The following MPP7 variants were observed in gnomAD, a reference collection of about 807,000 sequenced individuals.
MPP7 encodes the protein MAGUK p55 scaffold protein 7.
MPP7 carries 60 observed loss-of-function variants against 76.5 expected under a neutral mutation model. That is an observed-to-expected ratio of 0.78 (90% CI 0.64 to 0.97). The LOEUF (loss-of-function observed/expected upper bound fraction) is 0.97, where lower values mean the gene tolerates loss of function less well. MPP7 is among the 50% of genes least tolerant of loss of function. The pLI, the probability that MPP7 is intolerant of heterozygous loss-of-function variation, is 0.00. For missense variants in MPP7, 641 were observed against 694.0 expected, an observed-to-expected ratio of 0.92 and a Z score of 0.86; for synonymous variants, 237 against 244.5, an observed-to-expected ratio of 0.97 and a Z score of 0.29.
Position 28,202,188 on chromosome 10 carries a change from T to C in MPP7, c.121A>G (p.Met41Val). The C allele has an allele frequency of 6.2e-7, 1 of 1,613,702 alleles. No individual in the cohort carries two copies. ...SQEDLTFLWDMFGEKSLHSLV... is the reference protein window; with the variant it reads ...SQEDLTFLWDVFGEKSLHSLV... Reference sequence around the variant, plus strand: ...GAATGCAGGCTTTTTTCACCAAACATATCCCAGAGGAAGGTCAGGTCTTCC... The same window carrying C: ...GAATGCAGGCTTTTTTCACCAAACACATCCCAGAGGAAGGTCAGGTCTTCC... The change falls in exon 3 of 17, where the codon ATG (methionine) becomes GTG (valine). Residue 41 changes from methionine to valine, a missense_variant. Physicochemically the swap from Met to Val is conservative, Grantham distance 21 (BLOSUM62 1). Coordinates refer to ENST00000683449, the MANE Select transcript of MPP7 (RefSeq NM_001318170.2).
chr10:28,203,760 T>G (rs1216935667), intron 2 of MPP7, among the ~76,000 whole-genome samples: 1 of 152,168 alleles, frequency 6.6e-6, no homozygotes, highest in Non-Finnish European at 1.5e-5. Flanking sequence ...AGGGTGAAAT[T>G]TCATTATTTT....
intron 1 of MPP7, among the ~76,000 whole-genome samples, chr10:28,333,310 T>C (rs1834487275): frequency 6.6e-6 from 1 of 152,300 alleles, no homozygotes; most frequent in Non-Finnish European, 1.5e-5. Context: ...CACACCCAGC[T>C]AATTTTTGTA....
intron 6 of MPP7, among the ~76,000 whole-genome samples, chr10:28,126,222 T>C (rs1210325974): frequency 6.6e-6 from 1 of 152,218 alleles, no homozygotes; most frequent in Non-Finnish European, 1.5e-5. Flanking sequence ...GGCCAGAGAC[T>C]TGAATGAGCA....
intron 13 of MPP7, among the ~76,000 whole-genome samples, chr10:28,064,906 C>CT (rs1466409127): frequency 6.6e-6 from 1 of 152,104 alleles, no homozygotes; most frequent in Non-Finnish European, 1.5e-5. Flanking sequence ...ATCACAAACA[C>CT]TAAAGTTTTG....
chr10:28,129,353 CAG>C (rs1395746117), intron 6 of MPP7, among the ~76,000 whole-genome samples: 2 of 152,012 alleles, frequency 1.3e-5, no homozygotes, highest in Non-Finnish European at 2.9e-5. Context: ...GTTTTAAAAA[CAG>C]AGTATGGAGA....
chr10:28,216,975 G>A (rs1035802614), intron 2 of MPP7, among the ~76,000 whole-genome samples: 1 of 151,778 alleles, frequency 6.6e-6, no homozygotes, highest in African/African-American at 2.4e-5. Context: ...AATACTCAAA[G>A]TCTTGATTTT....
intron 2 of MPP7, among the ~76,000 whole-genome samples, chr10:28,216,141 G>A (rs1838302228): frequency 6.6e-6 from 1 of 151,836 alleles, no homozygotes; most frequent in Non-Finnish European, 1.5e-5. Context: ...ACACTGGGAG[G>A]CTGAGGCAGG....
At chr10:28,322,612 T>C (rs1411969775) in intron 2 of MPP7, among the ~76,000 whole-genome samples, 1 of 152,102 alleles carries the variant, frequency 6.6e-6, no homozygotes, top group African/African-American at 2.4e-5. Context: ...TCTTTGACCT[T>C]TCCCAGGGGT....
intron 2 of MPP7, among the ~76,000 whole-genome samples, chr10:28,316,991 G>A (rs79742166): frequency 3.9e-5 from 6 of 152,092 alleles, no homozygotes; most frequent in East Asian, 3.8e-4. Flanking sequence ...CTGTACCCAC[G>A]CATGTATGTA....
chr10:28,273,698 A>C (rs915531437), intron 1 of MPP7, among the ~76,000 whole-genome samples: 5 of 152,258 alleles, frequency 3.3e-5, no homozygotes, highest in African/African-American at 9.6e-5. Context: ...AAACACGATG[A>C]AAGAATTTCC....
chr10:28,286,284 T>C (rs1444725340), intron 1 of MPP7, among the ~76,000 whole-genome samples: 1 of 151,540 alleles, frequency 6.6e-6, no homozygotes, highest in Non-Finnish European at 1.5e-5. Context: ...AGGCAGAGCT[T>C]GCAGTGAGCC....
intron 5 of MPP7, among the ~76,000 whole-genome samples, chr10:28,139,339 C>T (rs751390012): frequency 3.3e-5 from 5 of 152,256 alleles, no homozygotes; most frequent in Admixed American, 6.5e-5. Flanking sequence ...TTCTGGGCAG[C>T]GGACATAGTT....
intron 3 of MPP7, among the ~76,000 whole-genome samples, chr10:28,159,129 G>A (rs1836171219): frequency 6.6e-6 from 1 of 152,160 alleles, no homozygotes; most frequent in African/African-American, 2.4e-5. Flanking sequence ...CAGACTGCCA[G>A]AAATTTTGTT....
At chr10:28,299,765 A>ATTTTTTTT (rs1841109518) in intron 1 of MPP7, among the ~76,000 whole-genome samples, 1 of 128,068 alleles carries the variant, frequency 7.8e-6, no homozygotes, top group African/African-American at 3.1e-5. Context: ...AAAATTCAAG[A>ATTTTTTTT]CTTTTTTTTT....
chr10:28,093,159 T>C (rs1853401697), intron 11 of MPP7, among the ~76,000 whole-genome samples: 1 of 152,164 alleles, frequency 6.6e-6, no homozygotes, highest in Non-Finnish European at 1.5e-5. Context: ...TCTAATTTCA[T>C]GTTTCCACAG....
intron 2 of MPP7, among the ~76,000 whole-genome samples, chr10:28,327,634 C>T (rs113313895): frequency 2.0e-5 from 3 of 152,140 alleles, no homozygotes; most frequent in South Asian, 2.1e-4. Context: ...ATTGTTCCAG[C>T]GAGGTTTCTA....
At chr10:28,111,214 A>T (rs1834495514) in intron 11 of MPP7, among the ~76,000 whole-genome samples, 1 of 152,158 alleles carries the variant, frequency 6.6e-6, no homozygotes, top group South Asian at 2.1e-4. Context: ...GAAAAAAAAA[A>T]TCCACCTACC....
At chr10:28,129,906 T>C (rs1835139101) in intron 6 of MPP7, among the ~76,000 whole-genome samples, 1 of 152,184 alleles carries the variant, frequency 6.6e-6, no homozygotes, top group Admixed American at 6.5e-5. Flanking sequence ...GGACAGCCGA[T>C]GCAAGTAACA....
intron 15 of MPP7, chr10:28,057,557 G>T: frequency 3.5e-6 from 1 of 282,816 alleles, no homozygotes; most frequent in Non-Finnish European, 5.1e-6. Context: ...GCAGATGCCA[G>T]CATCACGCTT....
Sources: gnomAD v4.1 joint callset for allele counts (sites outside exome capture counted in the v4.1 genomes callset) on GRCh38, gnomAD v4.1.1 for gene constraint, MANE v1.5 for transcripts, NCBI Gene and HGNC (gene_info 2026-07-23, HGNC 2026-07-21) for gene names.